TMEM41B: variants seen among roughly 807,000 people sequenced by gnomAD.
TMEM41B encodes transmembrane protein 41B.
A neutral mutation model predicts 31.9 loss-of-function variants in TMEM41B; 18 were observed. The observed-to-expected ratio is 0.56, with a 90% CI of 0.39 to 0.84. The LOEUF (loss-of-function observed/expected upper bound fraction) is 0.84, where lower values mean the gene tolerates loss of function less well. Ranked by LOEUF, TMEM41B falls within the 40% of genes least tolerant of loss-of-function variation. The pLI, the probability that TMEM41B is intolerant of heterozygous loss-of-function variation, is 0.00. For missense variants in TMEM41B, 322 were observed against 348.0 expected (o/e 0.93, Z 0.59); for synonymous variants, 144 against 124.3 (o/e 1.16, Z -1.05).
At position 9,288,540 on chromosome 11, in the gene TMEM41B, T is replaced by C. The variant is rs767329277; in HGVS notation, c.369-5A>G. The stretch of plus-strand genomic sequence containing the variant: ...GGAATAGCAAATGTTTGCAAGCTGG[T>C]AACTTTTAAGTTAAGGATTAGAATA... On this transcript the variant is annotated splice_polypyrimidine_tract_variant and splice_region_variant and intron_variant, in intron 3 of 6. Coordinates refer to ENST00000528080, the MANE Select transcript of TMEM41B (RefSeq NM_015012.4). The C allele has an allele frequency of 1.3e-6, 2 of 1,564,126 alleles. No homozygotes were observed. Among genetic ancestry groups the C allele is most frequent in the Admixed American group, 2.0e-5 (1 of 50,478 alleles).
intron 1 of TMEM41B, among the ~76,000 whole-genome samples, chr11:9,307,154 C>A (rs1173622248): frequency 1.3e-5 from 2 of 152,120 alleles, no homozygotes; most frequent in African/African-American, 4.8e-5. Context: ...GCAAAATATT[C>A]CAATGTCTAC....
chr11:9,283,843 G>A (rs1852777517), intron 6 of TMEM41B, among the ~76,000 whole-genome samples: 1 of 150,310 alleles, frequency 6.7e-6, no homozygotes, highest in Admixed American at 6.6e-5. Context: ...GGAACACGAT[G>A]GCGCGATCTT....
Position 9,314,429 on chromosome 11 carries a change from T to C in TMEM41B, c.13A>G (p.Arg5Gly), listed in dbSNP as rs760674929. ...CCCAACTGCGATCGTTCGGCGACTC[T>C]GCCTTTCGCCATGGCTGCTGCAAGG... MAKGRVAERSQLGAH... is the reference protein window; with the variant it reads MAKGGVAERSQLGAH... Residue 5 changes from arginine (R) to glycine (G), a missense_variant, in exon 1 of 7, where the codon AGA (arginine) becomes GGA (glycine). Transcript: ENST00000528080. 41 of 1,558,808 alleles carry C rather than the reference T, an allele frequency of 2.6e-5. No homozygotes were observed. The highest frequency in any genetic ancestry group is 3.8e-5 in the Admixed American group (2 of 52,488).
At chr11:9,301,303 G>A (rs1299430154) in intron 1 of TMEM41B, among the ~76,000 whole-genome samples, 1 of 152,094 alleles carries the variant, frequency 6.6e-6, no homozygotes, top group Non-Finnish European at 1.5e-5. Context: ...GCTGGGGCAG[G>A]AGAATGGCAT....
At chr11:9,287,887 A>C in intron 4 of TMEM41B, 81 bp from the exon 5 acceptor site, 22 of 1,010,610 alleles carry the variant, frequency 2.2e-5, no homozygotes, top group South Asian at 2.8e-5. Flanking sequence ...TAAAAAGCTC[A>C]ATTAATTTAC....
At chr11:9,307,491 G>A (rs1160908942) in intron 1 of TMEM41B, among the ~76,000 whole-genome samples, 1 of 150,274 alleles carries the variant, frequency 6.7e-6, no homozygotes, top group Non-Finnish European at 1.5e-5. Context: ...TGCCCAAGCT[G>A]GAGTGCAATG....
At chr11:9,284,347 GCCATATTGC>G (rs1852788908) in intron 6 of TMEM41B, among the ~76,000 whole-genome samples, 1 of 151,148 alleles carries the variant, frequency 6.6e-6, no homozygotes, top group African/African-American at 2.4e-5. Context: ...AGGGGGTTTT[GCCATATTGC>G]CCAGGCTGGT....
At chr11:9,293,868 C>T (rs982229143) in intron 3 of TMEM41B, among the ~76,000 whole-genome samples, 5 of 152,132 alleles carry the variant, frequency 3.3e-5, no homozygotes, top group African/African-American at 1.2e-4. Context: ...AGGCATGAGC[C>T]ACCATACCTG....
intron 6 of TMEM41B, among the ~76,000 whole-genome samples, chr11:9,285,254 T>A (rs1852811482): frequency 6.6e-6 from 1 of 152,130 alleles, no homozygotes; most frequent in African/African-American, 2.4e-5. Flanking sequence ...TCAGCTAATT[T>A]TTGAATTTTT....
rs1325546321 is a variant in TMEM41B, at chr11:9,283,445, T to C, written c.855A>G (p.Lys285=). ...ATTTTTACTCAAATTTCTGCTTTAG[T>C]TTTTTTTGGAAGATGGCTGGCAGAA... ...LSILPAIFQK[K]LKQKFE Residue 285 remains lysine, a synonymous_variant, in exon 7 of 7, where the codon AAA becomes AAG. Transcript: ENST00000528080. The C allele has an allele frequency of 8.2e-6, 13 of 1,591,592 alleles. No homozygotes were observed. The highest frequency in any genetic ancestry group is 1.1e-5 in the Non-Finnish European group (13 of 1,170,378).
chr11:9,305,704 T>C (rs1853373852), intron 1 of TMEM41B, among the ~76,000 whole-genome samples: 1 of 152,186 alleles, frequency 6.6e-6, no homozygotes, highest in African/African-American at 2.4e-5. Flanking sequence ...TTAAATCCAA[T>C]TAACTTGCCC....
chr11:9,303,704 G>T (rs1292529751), intron 1 of TMEM41B, among the ~76,000 whole-genome samples: 1 of 121,410 alleles, frequency 8.2e-6, no homozygotes, highest in Non-Finnish European at 1.6e-5. Flanking sequence ...CCCAGCCTCT[G>T]TCGCCCAGTC....
chr11:9,293,857 C>T (rs1225559343), intron 3 of TMEM41B, among the ~76,000 whole-genome samples: 1 of 152,150 alleles, frequency 6.6e-6, no homozygotes, highest in Non-Finnish European at 1.5e-5. Flanking sequence ...GCTGGTGTTG[C>T]AGGCATGAGC....
chr11:9,295,847 T>A (rs1210732427), intron 2 of TMEM41B, among the ~76,000 whole-genome samples: 1 of 150,974 alleles, frequency 6.6e-6, no homozygotes, highest in East Asian at 2.0e-4. Context: ...AAATTATTAT[T>A]AATTTCATTT....
Position 9,314,343 on chromosome 11 carries a change from A to C in TMEM41B, c.99T>G (p.Pro33=). 1 of 1,595,156 alleles carries C rather than the reference A, an allele frequency of 6.3e-7. No individual in the cohort carries two copies. The highest frequency in any genetic ancestry group is 8.5e-7 in the Non-Finnish European group (1 of 1,173,504). Residue 33 remains proline, a synonymous_variant, in exon 1 of 7, where the codon CCT becomes CCG. Transcript: ENST00000528080. The part of the protein sequence containing the change: ...GAAGTRGLAA[P]GSRDHQKEKS... ...CACCCTTCTGGTGGTCTCTGCTGCCAGGCGCCGCGAGACCCCGCGTCCCCG... is the reference window on the plus strand; with the variant it reads ...CACCCTTCTGGTGGTCTCTGCTGCCCGGCGCCGCGAGACCCCGCGTCCCCG...
At chr11:9,306,430 C>A (rs1853398059) in intron 1 of TMEM41B, among the ~76,000 whole-genome samples, 1 of 152,076 alleles carries the variant, frequency 6.6e-6, no homozygotes, top group Non-Finnish European at 1.5e-5. Context: ...CGCCTGTAAT[C>A]CCAGCACTTT....
rs930910312 is a variant in TMEM41B at position 9,298,540 on chromosome 11, A to G, written c.239+1044T>C. Among the ~76,000 whole-genome samples, 3 of 151,888 alleles carry G rather than the reference A, an allele frequency of 2.0e-5. No individual in the cohort carries two copies. The East Asian group carries it at 5.8e-4, about 29-fold the overall frequency. ...AGTACTTTGGGAGGACAAGGTGGGC[A>G]GATCACTTGAGGCCAGGAGTTTGGG... On this transcript the variant is annotated intron_variant, in intron 2 of 6. Transcript: ENST00000528080.
chr11:9,304,296 G>A (rs1853328079), intron 1 of TMEM41B, among the ~76,000 whole-genome samples: 1 of 151,956 alleles, frequency 6.6e-6, no homozygotes, highest in African/African-American at 2.4e-5. Context: ...TTATGCTCTG[G>A]CTATTACCTA....
intron 1 of TMEM41B, among the ~76,000 whole-genome samples, chr11:9,300,020 G>A (rs1853208468): frequency 6.6e-6 from 1 of 152,174 alleles, no homozygotes. Flanking sequence ...TCGGGAGGCT[G>A]AGGCAGGAGA....
Sources: gnomAD v4.1 joint callset for allele counts (sites outside exome capture counted in the v4.1 genomes callset) on GRCh38, gnomAD v4.1.1 for gene constraint, MANE v1.5 for transcripts, NCBI Gene and HGNC (gene_info 2026-07-23, HGNC 2026-07-21) for gene names.